LARGE1: variants seen among roughly 807,000 people sequenced by gnomAD.
LARGE1 encodes LARGE xylosyl- and glucuronyltransferase 1.
LARGE1 carries 43 observed loss-of-function variants against 87.6 expected under a neutral mutation model. The ratio of observed to expected loss-of-function variants is 0.49; its 90% confidence interval spans 0.38 to 0.63. The LOEUF is 0.63. LARGE1 is among the 30% of genes least tolerant of loss of function. LARGE1 has a pLI of 0.00. For missense variants in LARGE1, 802 were observed against 1,000.2 expected (o/e 0.80, Z 2.67); for synonymous variants, 434 against 394.6 (o/e 1.10, Z -1.18).
At chr22:33,101,261 T>C in the LARGE1 span, among the ~76,000 whole-genome samples, 1 of 152,296 alleles carries the variant, frequency 6.6e-6, no homozygotes, top group African/African-American at 2.4e-5. Flanking sequence ...GGCAGGTGCA[T>C]GGACTAAAGA....
chr22:33,141,670 G>T, the LARGE1 span, among the ~76,000 whole-genome samples: 3 of 152,108 alleles, frequency 2.0e-5, no homozygotes, highest in Admixed American at 2.0e-4. Flanking sequence ...CATAAACTGA[G>T]GTTGTTCCAA....
At chr22:33,890,778 G>T (rs2146828688) in intron 1 of LARGE1, among the ~76,000 whole-genome samples, 1 of 123,846 alleles carries the variant, frequency 8.1e-6, no homozygotes. Flanking sequence ...GACAGAGGAG[G>T]TCATAATTTT....
chr22:33,708,941 G>A (rs904327584), intron 2 of LARGE1, among the ~76,000 whole-genome samples: 1 of 152,116 alleles, frequency 6.6e-6, no homozygotes, highest in African/African-American at 2.4e-5. Context: ...CCTGCAGCTG[G>A]CCATCTTCTG....
chr22:33,830,943 A>C (rs1190712673), intron 1 of LARGE1, among the ~76,000 whole-genome samples: 6 of 152,164 alleles, frequency 3.9e-5, no homozygotes, highest in Middle Eastern at 3.2e-3. Flanking sequence ...TTCATGACCT[A>C]AGTGTCACCT....
rs2081456753 is a variant in LARGE1 at position 33,672,812 on chromosome 22, T to C, written c.107-22144A>G. Among the ~76,000 whole-genome samples the C allele has an allele frequency of 2.6e-5, 4 of 152,350 alleles. No homozygotes were observed. The South Asian group carries it at 8.3e-4, about 32-fold the overall frequency. On this transcript the variant is annotated intron_variant, in intron 2 of 14. Transcript: ENST00000397394. The stretch of plus-strand genomic sequence containing the variant: ...ATTTCATAAATATCTATACGGCACC[T>C]ATTATGTGCAAGACAATATGCCAGG...
chr22:33,546,257 G>A (rs539797539), intron 6 of LARGE1, among the ~76,000 whole-genome samples: 10 of 152,294 alleles, frequency 6.6e-5, no homozygotes, highest in African/African-American at 2.2e-4. Context: ...GATTCCTTAG[G>A]GAATGCAACT....
At chr22:33,469,854 C>A (rs1293710686) in intron 6 of LARGE1, among the ~76,000 whole-genome samples, 2 of 143,220 alleles carry the variant, frequency 1.4e-5, no homozygotes, top group Non-Finnish European at 3.0e-5. Flanking sequence ...AAACAAAAAA[C>A]AAAAAACCAT....
At chr22:33,845,722 C>A (rs1300285697) in intron 1 of LARGE1, among the ~76,000 whole-genome samples, 2 of 152,056 alleles carry the variant, frequency 1.3e-5, no homozygotes. Flanking sequence ...ACAAGAGAGT[C>A]CCTATGTACC....
intron 1 of LARGE1, among the ~76,000 whole-genome samples, chr22:33,806,020 C>T (rs1054421417): frequency 6.6e-6 from 1 of 152,180 alleles, no homozygotes; most frequent in Non-Finnish European, 1.5e-5. Context: ...TGTGCAACCA[C>T]CACCTCAATC....
intron 1 of LARGE1, among the ~76,000 whole-genome samples, chr22:33,818,345 A>T (rs1477312727): frequency 6.6e-6 from 1 of 152,206 alleles, no homozygotes; most frequent in Non-Finnish European, 1.5e-5. Flanking sequence ...CAGGAACCCT[A>T]TCAACTCACT....
chr22:33,389,149 C>T (rs2065427699), intron 7 of LARGE1, among the ~76,000 whole-genome samples: 2 of 152,212 alleles, frequency 1.3e-5, no homozygotes, highest in Non-Finnish European at 2.9e-5. Context: ...CATGACAAGA[C>T]TGGGCTACGC....
chr22:33,588,942 A>G (rs150778081), intron 5 of LARGE1, among the ~76,000 whole-genome samples: 311 of 152,312 alleles, frequency 2.0e-3, no homozygotes, highest in African/African-American at 7.2e-3. Flanking sequence ...TGTTGTCTGG[A>G]CTCAAGCTAT....
chr22:33,449,280 G>C (rs1167408318), intron 6 of LARGE1, among the ~76,000 whole-genome samples: 2 of 152,204 alleles, frequency 1.3e-5, no homozygotes, highest in African/African-American at 4.8e-5. Flanking sequence ...TTATAGAGAA[G>C]ACCAAGGCAG....
intron 12 of LARGE1, among the ~76,000 whole-genome samples, chr22:33,285,563 G>T (rs1275724876): frequency 1.3e-5 from 2 of 152,194 alleles, no homozygotes; most frequent in African/African-American, 4.8e-5. Flanking sequence ...GGTGGAGGTT[G>T]CAGTGAGCTG....
In LARGE1 at chr22:33,307,775, C is replaced by CT. The variant is rs3216417; in HGVS notation, c.1452-3269dup. 5.6e-3 allele frequency among the ~76,000 whole-genome samples: 811 copies of CT among 144,742 alleles called. 5 individuals are homozygous for CT. Among genetic ancestry groups the CT allele is most frequent in the African/African-American group, 0.017 (679 of 39,712 alleles). 95.0% of individuals were successfully genotyped at this position (144,742 alleles called of 152,430 possible). ...ATGAGATTGGTGCCCTTTTTCTTTT[C>CT]TTTTTTTTTTTTGAGACAGAGTCTC... is the stretch of plus-strand genomic sequence containing the variant. On this transcript the variant is annotated intron_variant, in intron 11 of 14. Transcript: ENST00000397394.
At position 33,761,364 on chromosome 22, in the gene LARGE1, T is replaced by C; in HGVS notation, c.106+7A>G. 5 of 1,609,662 alleles carry C rather than the reference T, an allele frequency of 3.1e-6. No individual in the cohort carries two copies. Among genetic ancestry groups the C allele is most frequent in the African/African-American group, 1.3e-5 (1 of 74,926 alleles). On this transcript the variant is annotated splice_region_variant and intron_variant, in intron 2 of 14. Coordinates refer to ENST00000397394, the MANE Select transcript of LARGE1 (RefSeq NM_133642.5). ...TCCTTCCCTCTCACTTTGGCTTCCA[T>C]TCTTACCTTCGAAGCTCCCAGAAAA...
At chr22:33,539,450 C>G (rs1349221594) in intron 6 of LARGE1, among the ~76,000 whole-genome samples, 3 of 152,166 alleles carry the variant, frequency 2.0e-5, no homozygotes, top group African/African-American at 7.2e-5. Flanking sequence ...ATAACTTGCT[C>G]AAACATATCC....
chr22:33,687,834 C>T (rs540063712), intron 2 of LARGE1, among the ~76,000 whole-genome samples: 9 of 152,302 alleles, frequency 5.9e-5, no homozygotes, highest in African/African-American at 1.7e-4. Flanking sequence ...AGTAAAAATA[C>T]CGAATACTAA....
chr22:33,639,322 G>A (rs1235052492), intron 3 of LARGE1, among the ~76,000 whole-genome samples: 1 of 152,084 alleles, frequency 6.6e-6, no homozygotes, highest in East Asian at 1.9e-4. Context: ...CCTGTATGAG[G>A]GACCCCATAC....
Sources: gnomAD v4.1 joint callset for allele counts (sites outside exome capture counted in the v4.1 genomes callset) on GRCh38, gnomAD v4.1.1 for gene constraint, MANE v1.5 for transcripts, NCBI Gene and HGNC (gene_info 2026-07-23, HGNC 2026-07-21) for gene names.